The following SERPINB7 variants were observed in gnomAD, a reference collection of about 807,000 sequenced individuals.
SERPINB7 encodes the protein serpin B7.
Under a neutral mutation model 37.4 loss-of-function variants are expected in SERPINB7, and 31 were observed. The ratio of observed to expected loss-of-function variants is 0.83; its 90% CI spans 0.62 to 1.12. The LOEUF is 1.12. Among genes scored for constraint, SERPINB7 ranks in the 50% most tolerant of loss-of-function variants. SERPINB7 has a pLI of 0.00. For missense variants in SERPINB7, 521 were observed against 455.3 expected, an observed-to-expected ratio of 1.14 and a Z score of -1.31; for synonymous variants, 163 against 166.1, an observed-to-expected ratio of 0.98 and a Z score of 0.14.
At chr18:63,797,719 G>A (rs1316725889) in intron 5 of SERPINB7, among the ~76,000 whole-genome samples, 2 of 152,140 alleles carry the variant, frequency 1.3e-5, no homozygotes, top group Non-Finnish European at 2.9e-5. Context: ...GATCCATCAT[G>A]ACCATGACCT....
At chr18:63,760,116 T>C (rs1568199244) in intron 1 of SERPINB7, among the ~76,000 whole-genome samples, 1 of 152,244 alleles carries the variant, frequency 6.6e-6, no homozygotes, top group South Asian at 2.1e-4. Flanking sequence ...TCCTAGAGAC[T>C]TGATGAATGG....
At chr18:63,762,674 C>T (rs181330337) in intron 1 of SERPINB7, among the ~76,000 whole-genome samples, 58 of 152,276 alleles carry the variant, frequency 3.8e-4, no homozygotes, top group Admixed American at 1.8e-3. Flanking sequence ...GTTAGAAGGC[C>T]TGATCTTTGC....
chr18:63,803,303 C>T (rs1359305839), intron 7 of SERPINB7, among the ~76,000 whole-genome samples: 1 of 151,696 alleles, frequency 6.6e-6, no homozygotes, highest in Non-Finnish European at 1.5e-5. Context: ...AACTGGATAA[C>T]TAAAACAAAA....
intron 1 of SERPINB7, among the ~76,000 whole-genome samples, chr18:63,760,642 G>A (rs1446845307): frequency 6.6e-6 from 1 of 152,146 alleles, no homozygotes; most frequent in South Asian, 2.1e-4. Context: ...TGGGCCCAGG[G>A]TCCTCGTATT....
chr18:63,785,137 T>C lies in SERPINB7; in HGVS notation c.168+2597T>C, dbSNP rs369598069. 2.0e-4 allele frequency among the ~76,000 whole-genome samples: 30 copies of C among 152,310 alleles called. No homozygotes were observed. In the South Asian group the frequency reaches 4.4e-3, roughly 22 times the overall value. On this transcript the variant is annotated intron_variant, in intron 2 of 7. Transcript: ENST00000398019. The stretch of plus-strand genomic sequence containing the variant: ...AAAGGCAACTACAGACACAAAAACA[T>C]TCATCTAATTTATCTGCACACATTT...
At chr18:63,768,318 A>G (rs1370051586) in intron 1 of SERPINB7, among the ~76,000 whole-genome samples, 15 of 151,786 alleles carry the variant, frequency 9.9e-5, no homozygotes, top group Middle Eastern at 3.4e-3. Flanking sequence ...CTTATCTATA[A>G]CCTTCTGCTC....
chr18:63,797,214 A>G (rs938996756), intron 5 of SERPINB7, among the ~76,000 whole-genome samples: 2 of 152,222 alleles, frequency 1.3e-5, no homozygotes, highest in African/African-American at 4.8e-5. Flanking sequence ...ACCTGTATTT[A>G]CTAAGCCTAG....
intron 2 of SERPINB7, among the ~76,000 whole-genome samples, chr18:63,790,683 A>C (rs376406490): frequency 3.3e-5 from 5 of 152,188 alleles, no homozygotes; most frequent in African/African-American, 1.2e-4. Flanking sequence ...AGTTAGGGGA[A>C]GCTCCACATG....
At position 63,783,510 on chromosome 18, in the gene SERPINB7, A is replaced by C. The variant is rs766929749; in HGVS notation, c.168+970A>C. Among the ~76,000 whole-genome samples, 3 of 152,170 alleles carry C rather than the reference A, an allele frequency of 2.0e-5. No individual in the cohort carries two copies. In the East Asian group the frequency reaches 5.8e-4, roughly 29 times the overall value. Reference sequence around the variant, plus strand: ...CCGGGGCACAAAAACATCATAGTACATTCCAGATAATAGCAGCCTACCTGA... The same window carrying C: ...CCGGGGCACAAAAACATCATAGTACCTTCCAGATAATAGCAGCCTACCTGA... On this transcript the variant is annotated intron_variant, in intron 2 of 7. Coordinates refer to ENST00000398019, the MANE Select transcript of SERPINB7 (RefSeq NM_003784.4).
intron 4 of SERPINB7, among the ~76,000 whole-genome samples, chr18:63,794,676 C>CTCTGTTTTT (rs2049467945): frequency 1.3e-5 from 2 of 151,484 alleles, no homozygotes; most frequent in East Asian, 3.9e-4. Flanking sequence ...GGCGAAAGAG[C>CTCTGTTTTT]GAGACTCTGT....
upstream of SERPINB7, among the ~76,000 whole-genome samples, chr18:63,773,390 T>A (rs1315330597): frequency 6.6e-6 from 1 of 152,098 alleles, no homozygotes; most frequent in Non-Finnish European, 1.5e-5. Flanking sequence ...TTTGGAACAT[T>A]AAGTATTCCC....
chr18:63,781,850 C>T (rs2049303723), intron 1 of SERPINB7, among the ~76,000 whole-genome samples: 1 of 151,570 alleles, frequency 6.6e-6, no homozygotes. Flanking sequence ...AAAATTAGGA[C>T]AGTTTTGAAA....
chr18:63,802,817 C>G (rs552909517), intron 7 of SERPINB7, among the ~76,000 whole-genome samples: 2 of 152,080 alleles, frequency 1.3e-5, no homozygotes, highest in Admixed American at 6.6e-5. Flanking sequence ...TCTGCATAGA[C>G]AAAGATTACG....
At position 63,756,860 on chromosome 18, in the gene SERPINB7, TAAAG is replaced by T. The variant is rs887079386; in HGVS notation, c.-19+3744_-19+3747del. ...TGTGTGTGTGTTCTGTGAGTAGAAATAAAGAAACTTATAAAGACTCTAATTTCTT... is the reference window on the plus strand; with the variant it reads ...TGTGTGTGTGTTCTGTGAGTAGAAATAAACTTATAAAGACTCTAATTTCTT... On this transcript the variant is annotated intron_variant, in intron 1 of 7. Coordinates refer to the SERPINB7 transcript ENST00000336429. Among the ~76,000 whole-genome samples the T allele has an allele frequency of 3.1e-3, 464 of 150,236 alleles. 1 individual carries two copies. Among genetic ancestry groups the T allele is most frequent in the African/African-American group, 0.011 (438 of 40,810 alleles).
At chr18:63,803,185 C>T (rs181479720) in intron 7 of SERPINB7, among the ~76,000 whole-genome samples, 30 of 152,016 alleles carry the variant, frequency 2.0e-4, no homozygotes, top group Non-Finnish European at 1.0e-4. Context: ...ATCTTAAATA[C>T]CTGCATAATC....
chr18:63,791,311 A>T (rs944720759), intron 2 of SERPINB7, among the ~76,000 whole-genome samples: 5 of 152,332 alleles, frequency 3.3e-5, no homozygotes, highest in South Asian at 2.1e-4. Context: ...AATATTTTTT[A>T]AAAATGGTGA....
upstream of SERPINB7, among the ~76,000 whole-genome samples, chr18:63,773,213 A>G (rs1485818912): frequency 6.6e-6 from 1 of 152,118 alleles, no homozygotes; most frequent in Non-Finnish European, 1.5e-5. Context: ...TTCTTCAAAT[A>G]GATAGATTAG....
At position 63,796,318 on chromosome 18, in the gene SERPINB7, A is replaced by T. The variant is rs200984633; in HGVS notation, c.389A>T (p.Asp130Val). The T allele has an allele frequency of 1.9e-5, 30 of 1,613,390 alleles. No homozygotes were observed. The highest frequency in any genetic ancestry group is 2.5e-5 in the Non-Finnish European group (30 of 1,179,544). Residue 130 changes from aspartate to valine, a missense_variant, in exon 5 of 8, where the codon GAC (aspartate) becomes GTC (valine). By Grantham distance (152) the Asp-to-Val change is radical. Coordinates refer to ENST00000398019, the MANE Select transcript of SERPINB7 (RefSeq NM_003784.4). ...TACGATGCCAAAGTGGAGCGAGTTG[A>T]CTTTACGAATCATTTAGAAGACACT... ...KLYDAKVERV[D>V]FTNHLEDTRR...
In SERPINB7 at chr18:63,782,512, A is replaced by G. The variant is rs199666937; in HGVS notation, c.140A>G (p.Gln47Arg). ...AALALVRLGA[Q>R]DDSLSQIDKL... ...CTGGCCCTGGTCCGCTTGGGCGCTC[A>G]AGATGACTCCCTCTCTCAGATTGAT... Residue 47 changes from glutamine to arginine, a missense_variant, in exon 2 of 8, where the codon CAA (glutamine) becomes CGA (arginine). Gln to Arg is a conservative substitution (Grantham distance 43, BLOSUM62 1). Transcript: ENST00000398019. The G allele has an allele frequency of 1.7e-5, 27 of 1,613,356 alleles. No individual in the cohort carries two copies. The highest frequency in any genetic ancestry group is 1.7e-4 in the Middle Eastern group (1 of 6,038).
Sources: gnomAD v4.1 joint callset for allele counts (sites outside exome capture counted in the v4.1 genomes callset) on GRCh38, gnomAD v4.1.1 for gene constraint, MANE v1.5 for transcripts, NCBI Gene and HGNC (gene_info 2026-07-23, HGNC 2026-07-21) for gene names.